PHF24: variants seen among roughly 807,000 people sequenced by gnomAD.
PHF24 encodes the protein Galpha inhibitory interacting protein.
PHF24 carries 25 observed loss-of-function variants against 42.6 expected under a neutral mutation model. The ratio of observed to expected loss-of-function variants is 0.59; its 90% CI spans 0.43 to 0.82. PHF24 has a LOEUF of 0.82. PHF24 is among the 40% of genes least tolerant of loss of function. The pLI is 0.00. For synonymous variants in PHF24, 185 were observed against 204.8 expected, an observed-to-expected ratio of 0.90 and a Z score of 0.83; for missense variants, 470 against 538.1, an observed-to-expected ratio of 0.87 and a Z score of 1.25.
At chr9:34,728,231 G>A in the PHF24 span, 41 of 663,724 alleles carry the variant, frequency 6.2e-5, no homozygotes, top group African/African-American at 4.7e-4. Flanking sequence ...GTACAGCATC[G>A]CTGTAACACA....
At chr9:34,685,855 T>G in the PHF24 span, among the ~76,000 whole-genome samples, 1 of 152,138 alleles carries the variant, frequency 6.6e-6, no homozygotes, top group Non-Finnish European at 1.5e-5. Context: ...TGTTCTCCAT[T>G]TGTAATTAGG....
the PHF24 span, among the ~76,000 whole-genome samples, chr9:34,875,052 CTT>C: frequency 3.3e-5 from 5 of 152,094 alleles, no homozygotes; most frequent in African/African-American, 1.2e-4. Context: ...AATAGTAGGT[CTT>C]ATTAATTAAT....
the PHF24 span, among the ~76,000 whole-genome samples, chr9:34,762,020 A>G: frequency 1.3e-5 from 2 of 151,968 alleles, no homozygotes; most frequent in South Asian, 4.1e-4. Flanking sequence ...TACAAAGGAC[A>G]TGAACTCATC....
chr9:34,762,982 AG>A, the PHF24 span, among the ~76,000 whole-genome samples: 1 of 152,078 alleles, frequency 6.6e-6, no homozygotes, highest in Non-Finnish European at 1.5e-5. Context: ...TGTTTTTCTC[AG>A]GTTTGTCAAA....
At chr9:34,959,313 C>T (rs149272493) in intron 1 of PHF24, among the ~76,000 whole-genome samples, 349 of 152,228 alleles carry the variant, frequency 2.3e-3, no homozygotes, top group African/African-American at 8.1e-3. Flanking sequence ...AGCACCAGTA[C>T]GCTAGGCAGT....
At chr9:34,699,340 C>T in the PHF24 span, among the ~76,000 whole-genome samples, 1 of 152,168 alleles carries the variant, frequency 6.6e-6, no homozygotes, top group Non-Finnish European at 1.5e-5. Context: ...CAGGGATGGT[C>T]CTGAAATACA....
At chr9:34,743,316 A>G in the PHF24 span, among the ~76,000 whole-genome samples, 1 of 152,244 alleles carries the variant, frequency 6.6e-6, no homozygotes, top group African/African-American at 2.4e-5. Flanking sequence ...CCAGTTTTCT[A>G]CTGAAAGGGG....
chr9:34,917,675 G>A, the PHF24 span: 2 of 782,074 alleles, frequency 2.6e-6, no homozygotes, highest in East Asian at 2.4e-5. Context: ...CAGTGTGGGA[G>A]CAGACAGAAC....
chr9:34,789,213 G>A, the PHF24 span, among the ~76,000 whole-genome samples: 15 of 152,168 alleles, frequency 9.9e-5, no homozygotes, highest in African/African-American at 3.1e-4. Context: ...CTCTGATACC[G>A]TGAAAACCTA....
the PHF24 span, among the ~76,000 whole-genome samples, chr9:34,943,190 T>G: frequency 1.3e-5 from 2 of 152,164 alleles, no homozygotes; most frequent in Non-Finnish European, 2.9e-5. Context: ...TGGTACTGTT[T>G]TTTTGTTTGT....
the PHF24 span, among the ~76,000 whole-genome samples, chr9:34,702,092 C>G: frequency 6.6e-6 from 1 of 152,102 alleles, no homozygotes; most frequent in African/African-American, 2.4e-5. Context: ...GGATGAAGGG[C>G]TATAGCCTGA....
the PHF24 span, among the ~76,000 whole-genome samples, chr9:34,668,798 GCTTAT>G: frequency 2.0e-5 from 3 of 152,174 alleles, no homozygotes; most frequent in East Asian, 5.8e-4. Context: ...TAAACTGATA[GCTTAT>G]CTTCACAGGT....
At chr9:34,808,902 G>A in the PHF24 span, among the ~76,000 whole-genome samples, 1 of 111,198 alleles carries the variant, frequency 9.0e-6, no homozygotes, top group Non-Finnish European at 1.8e-5. Flanking sequence ...TGGGGGGAGG[G>A]GGGAGGGATA....
At chr9:34,917,701 C>G in the PHF24 span, 1 of 787,802 alleles carries the variant, frequency 1.3e-6, no homozygotes, top group Non-Finnish European at 2.4e-6. Flanking sequence ...GCAGGGACAT[C>G]GTGGAGGCTC....
At chr9:34,832,719 A>G in the PHF24 span, 1 of 1,541,760 alleles carries the variant, frequency 6.5e-7, no homozygotes, top group East Asian at 2.4e-5. Context: ...GGCTGGCATC[A>G]CCAGCCCATG....
At chr9:34,742,966 C>G in the PHF24 span, among the ~76,000 whole-genome samples, 4 of 152,184 alleles carry the variant, frequency 2.6e-5, no homozygotes, top group African/African-American at 9.7e-5. Flanking sequence ...GCTGCTTTCT[C>G]ACTGCAATGG....
chr9:34,964,337 A>C (rs957660209), intron 1 of PHF24, among the ~76,000 whole-genome samples: 5 of 152,240 alleles, frequency 3.3e-5, no homozygotes, highest in African/African-American at 1.2e-4. Context: ...TGAGCCCAGG[A>C]GTTTGAGGCC....
chr9:34,928,458 A>AT, the PHF24 span, among the ~76,000 whole-genome samples: 1,318 of 152,202 alleles, frequency 8.7e-3, 11 homozygotes, highest in African/African-American at 0.03. Flanking sequence ...AAAATTAAAA[A>AT]TTTTTTTAAA....
the PHF24 span, among the ~76,000 whole-genome samples, chr9:34,789,254 C>T: frequency 1.3e-5 from 2 of 152,220 alleles, no homozygotes; most frequent in Non-Finnish European, 2.9e-5. Context: ...CTGCTGCTGG[C>T]TCATTCTCTG....
Sources: allele counts gnomAD v4.1 joint callset (sites outside exome capture counted in the v4.1 genomes callset), GRCh38; gene constraint gnomAD v4.1.1; transcripts MANE v1.5; gene names NCBI Gene and HGNC (gene_info 2026-07-23, HGNC 2026-07-21).